Variants in SLC6A9 observed in about 807,000 individuals in gnomAD.
The protein encoded by SLC6A9 is solute carrier family 6 member 9.
SLC6A9 carries 31 observed loss-of-function variants against 70.9 expected under a neutral mutation model. The observed-to-expected ratio is 0.44, with a 90% CI of 0.33 to 0.59. SLC6A9 has a LOEUF of 0.59. SLC6A9 is among the 20% of genes least tolerant of loss of function. The pLI is 0.04. For missense variants in SLC6A9, 631 were observed against 845.2 expected, an observed-to-expected ratio of 0.75 and a Z score of 3.14; for synonymous variants, 310 against 341.3, an observed-to-expected ratio of 0.91 and a Z score of 1.01.
rs2087117401 is a variant in SLC6A9 at position 44,031,332 on chromosome 1, G to C, written c.-112C>G. On this transcript the variant is annotated 5_prime_UTR_variant, in exon 1 of 14. Transcript: ENST00000372310. ...ATGCTGCAGCCCCCGGCCCAGGCGTGCTGGGTCCGCACCGCGGTGCGCCCA... is the reference window on the plus strand; with the variant it reads ...ATGCTGCAGCCCCCGGCCCAGGCGTCCTGGGTCCGCACCGCGGTGCGCCCA... 1.3e-5 allele frequency: 2 copies of C among 152,136 alleles called. No individual in the cohort carries two copies. The highest frequency in any genetic ancestry group is 4.8e-5 in the African/African-American group (2 of 41,424). 9.4% of individuals were successfully genotyped at this position (152,136 alleles called of 1,614,324 possible).
chr1:44,029,021 G>A (rs2087040783), intron 1 of SLC6A9, among the ~76,000 whole-genome samples: 2 of 152,296 alleles, frequency 1.3e-5, no homozygotes, highest in East Asian at 1.9e-4. Context: ...ACCGGTGCCC[G>A]ACCCAGAGGA....
intron 5 of SLC6A9, among the ~76,000 whole-genome samples, chr1:44,003,702 T>G (rs2086206102): frequency 6.8e-6 from 1 of 147,502 alleles, no homozygotes; most frequent in Non-Finnish European, 1.5e-5. Flanking sequence ...GAGTGGAGAT[T>G]GTGCCACTGC....
Position 44,001,776 on chromosome 1 carries a change from G to T in SLC6A9, c.963-149C>A. The T allele has an allele frequency of 4.5e-6, 3 of 667,068 alleles. No individual in the cohort carries two copies. The Admixed American group carries it at 7.7e-5, about 17-fold the overall frequency. The allele number at this position is 667,068 out of a possible 1,614,324, so 41.3% of individuals were successfully genotyped here. A position where few individuals can be genotyped will look rare whatever the true frequency, so the allele number is the denominator to read the frequency against. ...AGGGTCTCACTCTGTTGTCCAGGAT[G>T]GAGTGCAATGGCGCTATCACAGCTA... is the stretch of plus-strand genomic sequence containing the variant. On this transcript the variant is annotated intron_variant, in intron 8 of 13. Coordinates refer to ENST00000372310, the MANE Select transcript of SLC6A9 (RefSeq NM_001024845.3).
At chr1:44,026,337 G>T (rs1230196818) in intron 1 of SLC6A9, among the ~76,000 whole-genome samples, 3 of 152,196 alleles carry the variant, frequency 2.0e-5, no homozygotes, top group Admixed American at 6.5e-5. Context: ...TGACAATGAT[G>T]ATAGTAATAA....
At chr1:44,012,193 G>C (rs1235819065) in intron 2 of SLC6A9, among the ~76,000 whole-genome samples, 1 of 152,276 alleles carries the variant, frequency 6.6e-6, no homozygotes, top group Non-Finnish European at 1.5e-5. Flanking sequence ...TGGTCAATAA[G>C]CAAGGCAGCC....
intron 2 of SLC6A9, chr1:44,011,754 G>C: frequency 6.2e-7 from 1 of 1,609,424 alleles, no homozygotes. Flanking sequence ...GTCAGGAGAG[G>C]CAGATGCGGG....
intron 2 of SLC6A9, among the ~76,000 whole-genome samples, chr1:44,023,652 T>TA (rs568133504): frequency 7.1e-4 from 107 of 151,262 alleles, no homozygotes; most frequent in South Asian, 6.9e-3. Context: ...TCAAAAAAAT[T>TA]AAAAAAAATA....
chr1:44,001,296 G>A lies in SLC6A9; in HGVS notation c.1203C>T (p.Phe401=), dbSNP rs776869702. ...CTGTGACCAGCGTCTCCAGGAGGCA[G>A]AACTGCAGGATGTGGCTGTCAGATC... ...MLILLGLGTQ[F]CLLETLVTAI... is the part of the protein sequence containing the mutation. The change falls in exon 10 of 14, where the codon TTC becomes TTT. Residue 401 remains phenylalanine, a splice_region_variant and synonymous_variant. Coordinates refer to ENST00000372310, the MANE Select transcript of SLC6A9 (RefSeq NM_001024845.3). 10 of 1,614,224 alleles carry A rather than the reference G, an allele frequency of 6.2e-6. No individual in the cohort carries two copies. In the South Asian group the frequency reaches 8.8e-5, roughly 14 times the overall value.
Position 44,010,456 on chromosome 1 carries a change from CGGGGGG to C in SLC6A9, c.187+264_187+269del, listed in dbSNP as rs61601279. 31 of 54,810 alleles carry C rather than the reference CGGGGGG, an allele frequency of 5.7e-4. 4 individuals carry two copies. The highest frequency in any genetic ancestry group is 2.5e-3 in the South Asian group (8 of 3,212). 3.4% of individuals were successfully genotyped at this position (54,810 alleles called of 1,614,324 possible). A position where few individuals can be genotyped will look rare whatever the true frequency, so the allele number is the denominator to read the frequency against. ...GGAATAGAACAGGGAGCCTTGTGGG[CGGGGGG>C]GGGGGGGGGTTAGGTCCTTTTCTCA... On this transcript the variant is annotated intron_variant, in intron 3 of 13. Transcript: ENST00000372310.
At chr1:44,015,754 A>G (rs866085645) in intron 2 of SLC6A9, 2 of 621,434 alleles carry the variant, frequency 3.2e-6, no homozygotes, top group African/African-American at 4.0e-5. Flanking sequence ...CTTCACCTAC[A>G]TGGCACTGAG....
At chr1:44,011,043 G>A (rs2086547878) in intron 2 of SLC6A9, among the ~76,000 whole-genome samples, 161 bp from the exon 3 acceptor site, 1 of 152,252 alleles carries the variant, frequency 6.6e-6, no homozygotes, top group South Asian at 2.1e-4. Flanking sequence ...AAGGAGGGAA[G>A]CAGAGAGTAG....
At chr1:44,017,248 C>T (rs1341225058) in intron 2 of SLC6A9, 2 of 1,511,046 alleles carry the variant, frequency 1.3e-6, no homozygotes, top group South Asian at 1.3e-5. Context: ...TGCCTACCCG[C>T]TCCCCTGGCC....
rs2086142295 is a variant in SLC6A9, at chr1:44,002,300, A to G, written c.962+13T>C. ...AGGAAGGGGGCAGCCTCAGCCCAGC[A>G]GGGAGCACTCACCGGTAACAGTTAT... On this transcript the variant is annotated intron_variant, in intron 8 of 13. Transcript: ENST00000372310. The surrounding 1 kb of genome is among the most constrained non-coding windows in gnomAD (Gnocchi z 5.5). 1 of 1,594,306 alleles carries G rather than the reference A, an allele frequency of 6.3e-7. No homozygotes were observed. Among genetic ancestry groups the G allele is most frequent in the Admixed American group, 1.7e-5 (1 of 60,004 alleles).
chr1:44,000,686 C>T (rs2086057817), intron 12 of SLC6A9, 81 bp downstream of exon 12: 5 of 924,794 alleles, frequency 5.4e-6, no homozygotes, highest in Non-Finnish European at 8.5e-6. Context: ...GGAGCTCCCA[C>T]TGTCCCTCCG....
intron 12 of SLC6A9, 113 bp from the exon 13 acceptor site, chr1:43,998,138 T>C: frequency 9.6e-7 from 1 of 1,038,716 alleles, no homozygotes; most frequent in East Asian, 2.5e-5. Flanking sequence ...AAAAGGGCAT[T>C]TGGGGCAGAA....
At chr1:44,019,788 A>G (rs1300983705) in intron 2 of SLC6A9, among the ~76,000 whole-genome samples, 1 of 152,250 alleles carries the variant, frequency 6.6e-6, no homozygotes, top group Non-Finnish European at 1.5e-5. Flanking sequence ...AAGAGTGGGC[A>G]TGCTTCCAGA....
At position 44,018,794 on chromosome 1, in the gene SLC6A9, G is replaced by A. The variant is rs1473110276; in HGVS notation, c.30+5454C>T. Among the ~76,000 whole-genome samples, 2 of 151,910 alleles carry A rather than the reference G, an allele frequency of 1.3e-5. No homozygotes were observed. The highest frequency in any genetic ancestry group is 2.1e-4 in the South Asian group (1 of 4,818). On this transcript the variant is annotated intron_variant, in intron 2 of 13. Coordinates refer to ENST00000372310, the MANE Select transcript of SLC6A9 (RefSeq NM_001024845.3). The surrounding 1 kb of genome is among the most constrained non-coding windows in gnomAD (Gnocchi z 4.2). ...CTCTACAAAAAACTGGCAAGGTGTG[G>A]TGGTGTGTACCTATAGTCCCAGCTA...
At chr1:44,014,253 A>G (rs192364403) in intron 2 of SLC6A9, among the ~76,000 whole-genome samples, 25 of 151,970 alleles carry the variant, frequency 1.6e-4, no homozygotes, top group Admixed American at 1.5e-3. Flanking sequence ...GGCAGCCCCT[A>G]TGTGCCCTGT....
chr1:44,029,691 CCAGGG>C (rs2087057001), intron 1 of SLC6A9, among the ~76,000 whole-genome samples: 1 of 152,184 alleles, frequency 6.6e-6, no homozygotes, highest in Non-Finnish European at 1.5e-5. Context: ...GAGAGTTCTA[CCAGGG>C]CAGAGGCGTG....
Sources: allele counts gnomAD v4.1 joint callset (sites outside exome capture counted in the v4.1 genomes callset), GRCh38; gene constraint gnomAD v4.1.1; non-coding constraint Gnocchi (gnomAD v3.1); transcripts MANE v1.5; gene names NCBI Gene and HGNC (gene_info 2026-07-23, HGNC 2026-07-21).